Variants in CLEC12B observed in about 807,000 individuals in gnomAD.
The protein encoded by CLEC12B is macrophage antigen h.
A neutral mutation model predicts 36.1 loss-of-function variants in CLEC12B; 25 were observed. The observed-to-expected ratio is 0.69, with a 90% confidence interval of 0.50 to 0.97. CLEC12B has a LOEUF of 0.97. Ranked by LOEUF, CLEC12B falls within the 50% of genes least tolerant of loss-of-function variation. The probability of loss-of-function intolerance (pLI) is 0.00; values close to 1 mark genes in which losing one functional copy is unlikely to be tolerated. For missense variants in CLEC12B, 325 were observed against 318.4 expected, an observed-to-expected ratio of 1.02 and a Z score of -0.16; for synonymous variants, 110 against 108.5, an observed-to-expected ratio of 1.01 and a Z score of -0.09.
Position 10,014,506 on chromosome 12 carries a change from C to T in CLEC12B, c.191-17C>T. ...AATAGAAGAATATATGAACTTGTCT[C>T]CTGTCATGTCTTGGAGTTTTGCAGA... On this transcript the variant is annotated splice_polypyrimidine_tract_variant and intron_variant, in intron 2 of 5. Transcript: ENST00000338896. 6.4e-7 allele frequency: 1 copy of T among 1,555,530 alleles called. No individual in the cohort carries two copies. Among genetic ancestry groups the T allele is most frequent in the Non-Finnish European group, 8.9e-7 (1 of 1,127,402 alleles).
At chr12:10,013,022 C>T (rs958204795) in intron 2 of CLEC12B, 139 bp downstream of exon 2, 8 of 668,972 alleles carry the variant, frequency 1.2e-5, no homozygotes, top group African/African-American at 1.8e-5. Flanking sequence ...CTCTCCTATT[C>T]GTCATATCTT....
upstream of CLEC12B, among the ~76,000 whole-genome samples, chr12:10,007,866 G>A (rs539446794): frequency 1.3e-5 from 2 of 152,306 alleles, no homozygotes; most frequent in East Asian, 3.9e-4. Flanking sequence ...AATTGGCCCT[G>A]GTAAGTGGTG....
chr12:10,014,536 T>C lies in CLEC12B; in HGVS notation c.204T>C (p.Ser68=). ...VTLGMMFLQI[S]NDINSDSEKL... ...CATGTCTTGGAGTTTTGCAGATATC[T>C]AATGACATTAACTCAGATTCAGAGA... The change falls in exon 3 of 6, where the codon TCT becomes TCC. Residue 68 remains serine, a synonymous_variant. Transcript: ENST00000338896. 1 of 1,612,848 alleles carries C rather than the reference T, an allele frequency of 6.2e-7. No homozygotes were observed. The highest frequency in any genetic ancestry group is 2.2e-5 in the East Asian group (1 of 44,866).
Position 10,014,610 on chromosome 12 carries a change from C to A in CLEC12B, c.278C>A (p.Ser93Tyr). ...KTIQQQQDNLSQQLGNSNNLS... is the reference protein window; with the variant it reads ...KTIQQQQDNLYQQLGNSNNLS... ...ATCCAACAGCAGCAGGATAACTTAT[C>A]CCAGCAACTGGGCAACTCCAACAAC... Residue 93 changes from serine (S) to tyrosine (Y), a missense_variant, in exon 3 of 6, where the codon TCC (serine) becomes TAC (tyrosine). Coordinates refer to ENST00000338896, the MANE Select transcript of CLEC12B (RefSeq NM_001129998.3). 6.2e-7 allele frequency: 1 copy of A among 1,613,750 alleles called. No homozygotes were observed. Among genetic ancestry groups the A allele is most frequent in the Non-Finnish European group, 8.5e-7 (1 of 1,179,720 alleles).
At chr12:10,008,814 G>A (rs985585271), upstream of CLEC12B, among the ~76,000 whole-genome samples, 6 of 152,172 alleles carry the variant, frequency 3.9e-5, no homozygotes, top group African/African-American at 1.4e-4. Flanking sequence ...TTAATACTTT[G>A]TTAGGAAGCT....
chr12:10,016,365 A>C (rs897920623), intron 5 of CLEC12B: 4 of 152,638 alleles, frequency 2.6e-5, no homozygotes, highest in African/African-American at 9.6e-5. Context: ...GTTTGGATGA[A>C]ACTATTTAAA....
Position 10,018,512 on chromosome 12 carries a change from G to C in CLEC12B, c.*31G>C. ...TTCTTCCAAATTCTCCAAGAAGTAA[G>C]AGACTTGTGAGTAAGCTCATATGAG... is the stretch of plus-strand genomic sequence containing the variant. On this transcript the variant is annotated 3_prime_UTR_variant, in exon 6 of 6. Transcript: ENST00000338896. 6.5e-7 allele frequency: 1 copy of C among 1,533,494 alleles called. No homozygotes were observed. The highest frequency in any genetic ancestry group is 8.8e-7 in the Non-Finnish European group (1 of 1,136,538). The allele number at this position is 1,533,494 out of a possible 1,614,324, so 95.0% of individuals were successfully genotyped here. A position where few individuals can be genotyped will look rare whatever the true frequency, so the allele number is the denominator to read the frequency against.
chr12:10,017,911 A>AT, intron 5 of CLEC12B: 1 of 961,708 alleles, frequency 1.0e-6, no homozygotes, highest in Non-Finnish European at 1.2e-6. Context: ...GTGAAAAATT[A>AT]TATTTGTGCA....
At chr12:10,016,238 A>C (rs1402468309) in intron 5 of CLEC12B, 1 of 153,490 alleles carries the variant, frequency 6.5e-6, no homozygotes, top group Admixed American at 6.5e-5. Flanking sequence ...TCTAACAAAA[A>C]GTAAGACTGA....
chr12:10,015,105 CT>C (rs560820421), intron 3 of CLEC12B, 146 bp from the exon 4 acceptor site: 32 of 715,358 alleles, frequency 4.5e-5, no homozygotes, highest in Non-Finnish European at 6.2e-5. Flanking sequence ...CCAGGGGTCA[CT>C]TTTTTTTCAG....
At chr12:10,007,090 A>G (rs1486304204), upstream of CLEC12B, among the ~76,000 whole-genome samples, 1 of 151,990 alleles carries the variant, frequency 6.6e-6, no homozygotes, top group Non-Finnish European at 1.5e-5. Context: ...TAAAAAAAGA[A>G]AAAAAAGAAA....
chr12:10,014,472 A>G, intron 2 of CLEC12B, 51 bp from the exon 3 acceptor site: 1 of 1,248,264 alleles, frequency 8.0e-7, no homozygotes, highest in Non-Finnish European at 1.2e-6. Context: ...AATTATCTAC[A>G]GTTATAAGAA....
At position 10,014,681 on chromosome 12, in the gene CLEC12B, C is replaced by T; in HGVS notation, c.349C>T (p.Leu117=). 1 of 1,613,690 alleles carries T rather than the reference C, an allele frequency of 6.2e-7. No individual in the cohort carries two copies. Among genetic ancestry groups the T allele is most frequent in the Non-Finnish European group, 8.5e-7 (1 of 1,179,662 alleles). ...EFLKSQISSV[L]KRQEQMAIKL... ...TCTCAAGTCACAGATCTCCAGTGTA[C>T]TGAAGAGGCAGGAACAAATGGCCAT... Residue 117 remains leucine (L), a synonymous_variant, in exon 3 of 6, where the codon CTG becomes TTG. Transcript: ENST00000338896.
upstream of CLEC12B, among the ~76,000 whole-genome samples, chr12:10,009,796 C>G (rs758047210): frequency 8.5e-5 from 13 of 152,132 alleles, no homozygotes; most frequent in Non-Finnish European, 1.6e-4. Context: ...AAAACTCATA[C>G]CCAATCCTTC....
chr12:10,014,629 C>T lies in CLEC12B; in HGVS notation c.297C>T (p.Ser99=), dbSNP rs1865429992. 1 of 1,613,638 alleles carries T rather than the reference C, an allele frequency of 6.2e-7. No individual in the cohort carries two copies. The highest frequency in any genetic ancestry group is 1.1e-5 in the South Asian group (1 of 91,072). Residue 99 remains serine (S), a synonymous_variant, in exon 3 of 6, where the codon TCC becomes TCT. Transcript: ENST00000338896. ...QDNLSQQLGN[S]NNLSMEEEFL... ...ACTTATCCCAGCAACTGGGCAACTC[C>T]AACAACTTGTCCATGGAGGAGGAAT...
In CLEC12B at chr12:10,010,766, G is replaced by A; in HGVS notation, c.7G>A (p.Glu3Lys). The stretch of plus-strand genomic sequence containing the variant: ...AGTAGCGTTTTCTTCTACAATGTCT[G>A]AAGAAGTGACCTACGCGACACTCAC... MSEEVTYATLTFQ... is the reference protein window; with the variant it reads MSKEVTYATLTFQ... Residue 3 changes from glutamate to lysine, a missense_variant, in exon 1 of 6, where the codon GAA becomes AAA. By Grantham distance (56) the Glu-to-Lys change is moderately conservative. Coordinates refer to ENST00000338896, the MANE Select transcript of CLEC12B (RefSeq NM_001129998.3). 6.3e-7 allele frequency: 1 copy of A among 1,591,978 alleles called. No homozygotes were observed. The highest frequency in any genetic ancestry group is 1.7e-4 in the Middle Eastern group (1 of 6,036).
At chr12:10,007,551 AG>A (rs1455152040), upstream of CLEC12B, among the ~76,000 whole-genome samples, 1 of 152,190 alleles carries the variant, frequency 6.6e-6, no homozygotes, top group Non-Finnish European at 1.5e-5. Flanking sequence ...TTAATGGAAA[AG>A]CCAGGTTATC....
chr12:10,010,203 C>A (rs1346004483), upstream of CLEC12B, among the ~76,000 whole-genome samples: 1 of 54,270 alleles, frequency 1.8e-5, no homozygotes, highest in Admixed American at 2.1e-4. Context: ...CTCTCTCTCA[C>A]ACACACACAC....
At position 10,015,252 on chromosome 12, in the gene CLEC12B, A is replaced by G; in HGVS notation, c.410A>G (p.Asp137Gly). The change falls in exon 4 of 6, where the codon GAC becomes GGC. Residue 137 changes from aspartate to glycine, a missense_variant and splice_region_variant. By Grantham distance (94) the Asp-to-Gly change is moderately conservative. Transcript: ENST00000338896. The stretch of plus-strand genomic sequence containing the variant: ...TTATTGGGTATAATTTCCTTTTCAG[A>G]CCACAGATGTAATCCATGTCCTAAG... Reference protein sequence around the residue: ...LCQELIIHTSDHRCNPCPKMW... With the variant: ...LCQELIIHTSGHRCNPCPKMW... 1 of 1,609,506 alleles carries G rather than the reference A, an allele frequency of 6.2e-7. No individual in the cohort carries two copies. Among genetic ancestry groups the G allele is most frequent in the Non-Finnish European group, 8.5e-7 (1 of 1,177,882 alleles).
Sources: gnomAD v4.1 joint callset for allele counts (sites outside exome capture counted in the v4.1 genomes callset) on GRCh38, gnomAD v4.1.1 for gene constraint, MANE v1.5 for transcripts, NCBI Gene and HGNC (gene_info 2026-07-23, HGNC 2026-07-21) for gene names.